The following SYT16 variants were observed in gnomAD, a reference collection of about 807,000 sequenced individuals.
SYT16 encodes synaptotagmin-16.
Under a neutral mutation model 61.4 loss-of-function variants are expected in SYT16, and 42 were observed. The ratio of observed to expected loss-of-function variants is 0.68; its 90% CI spans 0.53 to 0.89. The LOEUF (loss-of-function observed/expected upper bound fraction) is 0.89. SYT16 is among the 40% of genes least tolerant of loss of function. SYT16 has a pLI of 0.00. For missense variants in SYT16, 804 were observed against 807.3 expected, an observed-to-expected ratio of 1.00 and a Z score of 0.05; for synonymous variants, 314 against 302.3, an observed-to-expected ratio of 1.04 and a Z score of -0.40.
chr14:61,931,295 A>G (rs1166217469), intron 1 of SYT16, among the ~76,000 whole-genome samples: 1 of 152,202 alleles, frequency 6.6e-6, no homozygotes, highest in Admixed American at 6.5e-5. Context: ...TTAAAAGTCA[A>G]TTGGTTATAT....
At chr14:61,945,794 T>TG (rs1403384701) in intron 1 of SYT16, among the ~76,000 whole-genome samples, 33 of 141,966 alleles carry the variant, frequency 2.3e-4, no homozygotes, top group African/African-American at 7.6e-4. Flanking sequence ...AGGCGGAACT[T>TG]GCAGTGAGCC....
chr14:61,960,921 C>T (rs756161178), intron 1 of SYT16, among the ~76,000 whole-genome samples: 5 of 152,122 alleles, frequency 3.3e-5, no homozygotes, highest in Non-Finnish European at 7.4e-5. Context: ...GAAACAGACA[C>T]TTGTGTCAAT....
intron 3 of SYT16, among the ~76,000 whole-genome samples, chr14:62,016,333 T>G (rs1308965775): frequency 1.3e-5 from 2 of 152,172 alleles, no homozygotes; most frequent in African/African-American, 2.4e-5. Flanking sequence ...ATATTAGTGC[T>G]GAAGAACATT....
At chr14:62,072,828 TA>T (rs1427226270) in intron 4 of SYT16, among the ~76,000 whole-genome samples, 5 of 152,106 alleles carry the variant, frequency 3.3e-5, no homozygotes, top group African/African-American at 1.2e-4. Flanking sequence ...AGTATTTGAA[TA>T]ATGGGGTTTT....
chr14:62,041,661 A>G (rs2054735427), intron 3 of SYT16, among the ~76,000 whole-genome samples: 1 of 152,114 alleles, frequency 6.6e-6, no homozygotes. Flanking sequence ...GAGTGCCACC[A>G]TGTCCAGCTA....
chr14:61,848,357 A>C (rs1465023873), intron 1 of SYT16, among the ~76,000 whole-genome samples: 4 of 152,160 alleles, frequency 2.6e-5, no homozygotes, highest in African/African-American at 7.2e-5. Flanking sequence ...TAAAATCTGG[A>C]AGAATAATCT....
rs2056815789 is a variant in SYT16, at chr14:62,084,354, T to C, written c.1593T>C (p.His531=). Residue 531 remains histidine, a synonymous_variant, in exon 7 of 8, where the codon CAT becomes CAC. Coordinates refer to ENST00000683842, the MANE Select transcript of SYT16 (RefSeq NM_001367656.1). ...RLSVEMIKGS[H]FRNLAVNRAP... Reference sequence around the variant, plus strand: ...CTGTGGAAATGATCAAAGGCAGCCATTTCCGAAACCTCGCTGTTAACCGAG... The same window carrying C: ...CTGTGGAAATGATCAAAGGCAGCCACTTCCGAAACCTCGCTGTTAACCGAG... The C allele has an allele frequency of 6.2e-7, 1 of 1,612,684 alleles. No homozygotes were observed. The highest frequency in any genetic ancestry group is 1.3e-5 in the African/African-American group (1 of 74,884).
rs772257051 is a variant in SYT16, at chr14:61,906,696, ACCATCCATCCATCCTT to A, written c.-324-63421_-324-63406del. Among the ~76,000 whole-genome samples the A allele has an allele frequency of 3.2e-3, 441 of 137,174 alleles. 5 individuals are homozygous for A. The highest frequency in any genetic ancestry group is 4.5e-3 in the Admixed American group (57 of 12,808). 90.0% of individuals were successfully genotyped at this position (137,174 alleles called of 152,430 possible). ...GAACAGCTACACTAACTCAAGATGTACCATCCATCCATCCTTCCATCCATCCATCCATCCATCCATC... is the reference window on the plus strand; with the variant it reads ...GAACAGCTACACTAACTCAAGATGTACCATCCATCCATCCATCCATCCATC... On this transcript the variant is annotated intron_variant, in intron 1 of 7. Coordinates refer to ENST00000683842, the MANE Select transcript of SYT16 (RefSeq NM_001367656.1).
At chr14:62,065,231 G>T (rs1156277341) in intron 3 of SYT16, among the ~76,000 whole-genome samples, 3 of 152,196 alleles carry the variant, frequency 2.0e-5, no homozygotes, top group African/African-American at 7.2e-5. Flanking sequence ...CTGATGATAT[G>T]CAGAGTGGTT....
chr14:62,059,995 A>G (rs780478890), intron 3 of SYT16, among the ~76,000 whole-genome samples: 30 of 152,086 alleles, frequency 2.0e-4, no homozygotes, highest in Non-Finnish European at 3.4e-4. Context: ...CCTTTTGCCA[A>G]TAGCAAGTTG....
chr14:61,974,224 C>A lies in SYT16; in HGVS notation c.-145+3913C>A, dbSNP rs143593803. 2.0e-5 allele frequency among the ~76,000 whole-genome samples: 3 copies of A among 152,230 alleles called. No individual in the cohort carries two copies. The East Asian group carries it at 5.8e-4, about 29-fold the overall frequency. On this transcript the variant is annotated intron_variant, in intron 2 of 7. Coordinates refer to ENST00000683842, the MANE Select transcript of SYT16 (RefSeq NM_001367656.1). ...CAGAGAAGATAGCAGAGGAATGAGT[C>A]AATGTGCCTGCTGGGGAGTTATTGC...
In SYT16 at chr14:62,108,832, T is replaced by C. The variant is rs1483388620; in HGVS notation, c.*8125T>C. ...GTTGGGATAGGATTTGACCTGTATT[T>C]TCAGGTTAAAGCTGGTCTTTGAGAT... On this transcript the variant is annotated 3_prime_UTR_variant, in exon 8 of 8. Coordinates refer to ENST00000683842, the MANE Select transcript of SYT16 (RefSeq NM_001367656.1). The C allele has an allele frequency of 6.6e-6, 1 of 152,188 alleles. No individual in the cohort carries two copies. Among genetic ancestry groups the C allele is most frequent in the African/African-American group, 2.4e-5 (1 of 41,458 alleles). 9.4% of individuals were successfully genotyped at this position (152,188 alleles called of 1,614,324 possible).
intron 3 of SYT16, among the ~76,000 whole-genome samples, chr14:62,045,162 A>T (rs8017443): frequency 0.45 from 68,841 of 151,778 alleles, 18,752 homozygotes; most frequent in African/African-American, 0.78. Context: ...ATAAATAAAT[A>T]AAATAAATTT....
At chr14:61,867,811 C>T (rs777543691) in intron 1 of SYT16, among the ~76,000 whole-genome samples, 8 of 151,944 alleles carry the variant, frequency 5.3e-5, no homozygotes, top group Non-Finnish European at 1.2e-4. Context: ...TTCAAAGATG[C>T]TCTTTATGAA....
intron 3 of SYT16, among the ~76,000 whole-genome samples, chr14:62,056,456 A>C (rs1052368557): frequency 1.3e-5 from 2 of 152,210 alleles, no homozygotes; most frequent in African/African-American, 4.8e-5. Flanking sequence ...AAAAACCCTA[A>C]ATTTCTACAG....
intron 2 of SYT16, among the ~76,000 whole-genome samples, chr14:61,988,421 G>A (rs1004131357): frequency 7.9e-5 from 12 of 152,084 alleles, no homozygotes; most frequent in Non-Finnish European, 1.3e-4. Flanking sequence ...GAGTATTTGC[G>A]GAACATGTTT....
intron 1 of SYT16, among the ~76,000 whole-genome samples, chr14:61,969,269 A>G (rs2051444902): frequency 6.6e-6 from 1 of 152,206 alleles, no homozygotes; most frequent in African/African-American, 2.4e-5. Flanking sequence ...CCTTTATACA[A>G]GTTAATTTCT....
In SYT16 at chr14:61,889,588, C is replaced by T. The variant is rs573276982; in HGVS notation, c.-325+76778C>T. On this transcript the variant is annotated intron_variant, in intron 1 of 7. Transcript: ENST00000683842. ...GTACTTCCCTCTGCTCGCTCTTGCT[C>T]CCTCTCTCTCTCTCTCTGTCTCCCT... 1.7e-4 allele frequency among the ~76,000 whole-genome samples: 25 copies of T among 148,010 alleles called. No individual in the cohort carries two copies. The South Asian group carries it at 3.4e-3, about 20-fold the overall frequency.
rs1030461128 is a variant in SYT16 at position 61,834,497 on chromosome 14, G to T, written c.-325+21687G>T. 5.5e-5 allele frequency among the ~76,000 whole-genome samples: 8 copies of T among 145,580 alleles called. No homozygotes were observed. The South Asian group carries it at 1.8e-3, about 32-fold the overall frequency. ...GTTGCCCAGGCTGGAGTGCAATGTG[G>T]TGTGATCTCGGCTCACTGCAACCTC... On this transcript the variant is annotated intron_variant, in intron 1 of 7. Coordinates refer to ENST00000683842, the MANE Select transcript of SYT16 (RefSeq NM_001367656.1).
Sources: allele counts gnomAD v4.1 joint callset (sites outside exome capture counted in the v4.1 genomes callset), GRCh38; gene constraint gnomAD v4.1.1; transcripts MANE v1.5; gene names NCBI Gene and HGNC (gene_info 2026-07-23, HGNC 2026-07-21).